Variants in SBNO2 observed in about 807,000 individuals in gnomAD.
SBNO2 encodes the protein strawberry notch homolog 2.
In SBNO2, 89 loss-of-function variants were observed where a neutral mutation model predicts 146.3. The ratio of observed to expected loss-of-function variants is 0.61; its 90% CI spans 0.51 to 0.73. The LOEUF is 0.73. Among genes scored for constraint, SBNO2 ranks in the 30% least tolerant of loss-of-function variants. The pLI is 0.00. For missense variants in SBNO2, 2,092 were observed against 2,003.7 expected, an observed-to-expected ratio of 1.04 and a Z score of -0.84; for synonymous variants, 1,147 against 892.6, an observed-to-expected ratio of 1.29 and a Z score of -5.08.
At chr19:1,111,323 C>T (rs1472584332) in intron 24 of SBNO2, among the ~76,000 whole-genome samples, 183 bp downstream of exon 24, 2 of 152,188 alleles carry the variant, frequency 1.3e-5, no homozygotes, top group Admixed American at 6.5e-5. Flanking sequence ...CCCTGGAAAC[C>T]CACCCGGCAG....
chr19:1,145,761 A>G (rs1302772039), intron 4 of SBNO2, among the ~76,000 whole-genome samples: 1 of 152,016 alleles, frequency 6.6e-6, no homozygotes, highest in Non-Finnish European at 1.5e-5. Flanking sequence ...GCAGCTTGCC[A>G]CACCTTGGCC....
At chr19:1,151,358 A>G (rs549543729) in intron 2 of SBNO2, among the ~76,000 whole-genome samples, 1 of 152,212 alleles carries the variant, frequency 6.6e-6, no homozygotes, top group Admixed American at 6.5e-5. Flanking sequence ...CTCACCCAAC[A>G]TGCTCCACCT....
At chr19:1,120,858 G>A (rs532337711) in intron 11 of SBNO2, among the ~76,000 whole-genome samples, 69 of 151,790 alleles carry the variant, frequency 4.5e-4, no homozygotes, top group Admixed American at 8.6e-4. Flanking sequence ...CAGTAGAGAC[G>A]GGGTTTCACC....
chr19:1,140,480 G>T lies in SBNO2; in HGVS notation c.279+6829C>A, dbSNP rs1309424722. On this transcript the variant is annotated intron_variant, in intron 4 of 31. Coordinates refer to ENST00000361757, the MANE Select transcript of SBNO2 (RefSeq NM_014963.3). This position sits in a 1 kb window ranked among gnomAD's most constrained non-coding sequence, Gnocchi z 4.4. ...CGGAAGGCTGAGCAGAAGTGAGGGG[G>T]GCCCTTCCTCCGGGCCAGGGTGGCT... Among the ~76,000 whole-genome samples, 1 of 152,240 alleles carries T rather than the reference G, an allele frequency of 6.6e-6. No homozygotes were observed. Among genetic ancestry groups the T allele is most frequent in the East Asian group, 1.9e-4 (1 of 5,178 alleles).
At chr19:1,142,477 C>T (rs892788287) in intron 4 of SBNO2, among the ~76,000 whole-genome samples, 5 of 152,214 alleles carry the variant, frequency 3.3e-5, no homozygotes, top group Admixed American at 6.5e-5. Context: ...GTCAGGAGTT[C>T]GAGACCAGCC....
At position 1,108,218 on chromosome 19, in the gene SBNO2, T is replaced by A. The variant is rs767911057; in HGVS notation, c.*2A>T. 1 of 1,526,734 alleles carries A rather than the reference T, an allele frequency of 6.5e-7. No individual in the cohort carries two copies. 94.6% of individuals were successfully genotyped at this position (1,526,734 alleles called of 1,614,324 possible). A position where few individuals can be genotyped will look rare whatever the true frequency, so the allele number is the denominator to read the frequency against. On this transcript the variant is annotated 3_prime_UTR_variant, in exon 32 of 32. Coordinates refer to ENST00000361757, the MANE Select transcript of SBNO2 (RefSeq NM_014963.3). ...TTGGGGCATGTTTCGCCTAAAGGCG[T>A]GTCAGAGAGGAGCCTGGGCGCCGGG...
intron 4 of SBNO2, among the ~76,000 whole-genome samples, chr19:1,137,005 G>A (rs922199935): frequency 9.3e-5 from 14 of 151,280 alleles, no homozygotes; most frequent in Admixed American, 7.2e-4. Flanking sequence ...GATGGGCTGT[G>A]GGTGCCGAGA....
At chr19:1,171,147 C>A (rs1459975276) in intron 1 of SBNO2, among the ~76,000 whole-genome samples, 1 of 151,692 alleles carries the variant, frequency 6.6e-6, no homozygotes, top group African/African-American at 2.4e-5. Context: ...AATGTGCACC[C>A]ATAAAACACA....
rs111354056 is a variant in SBNO2 at position 1,113,546 on chromosome 19, G to T, written c.2236C>A (p.Arg746=). 2 of 1,593,554 alleles carry T rather than the reference G, an allele frequency of 1.3e-6. No individual in the cohort carries two copies. Among genetic ancestry groups the T allele is most frequent in the Non-Finnish European group, 8.5e-7 (1 of 1,172,022 alleles). The change falls in exon 19 of 32, where the codon CGG becomes AGG. Residue 746 remains arginine, a synonymous_variant. Transcript: ENST00000361757. ...CACGTCCCACCCACCTCCGCCACCC[G>T]CTGGGGGCCGCCCAGCTGGTCGATG... ...ELIDQLGGPQ[R]VAEMTGRKGR...
intron 4 of SBNO2, among the ~76,000 whole-genome samples, chr19:1,143,928 G>A (rs2080162702): frequency 6.6e-6 from 1 of 152,232 alleles, no homozygotes; most frequent in Admixed American, 6.5e-5. Context: ...GCAGGTCCTG[G>A]GGATCAGGAC....
At chr19:1,117,273 G>C in intron 15 of SBNO2, 50 bp downstream of exon 15, 1 of 1,502,716 alleles carries the variant, frequency 6.7e-7, no homozygotes, top group Non-Finnish European at 8.9e-7. Flanking sequence ...AGCAGCCTCC[G>C]CCCCTGCAGG....
In SBNO2 at chr19:1,117,046, C is replaced by T. The variant is rs2079841017; in HGVS notation, c.1705-120G>A. 5.1e-6 allele frequency: 5 copies of T among 981,860 alleles called. No homozygotes were observed. In the South Asian group the frequency reaches 7.8e-5, roughly 15 times the overall value. 60.8% of individuals were successfully genotyped at this position (981,860 alleles called of 1,614,324 possible). A position where few individuals can be genotyped will look rare whatever the true frequency, so the allele number is the denominator to read the frequency against. On this transcript the variant is annotated intron_variant, in intron 15 of 31. Transcript: ENST00000361757. ...CACTCTGCTGCTGTGCTCGCCTCCC[C>T]AGGAGGGGCCACGGCCCCCCTACAA...
chr19:1,112,042 C>A lies in SBNO2; in HGVS notation c.2654G>T (p.Arg885Leu). Residue 885 changes from arginine (R) to leucine (L), a missense_variant, in exon 23 of 32, where the codon CGC becomes CTC. Transcript: ENST00000361757. The surrounding 1 kb of genome is among the most constrained non-coding windows in gnomAD (Gnocchi z 5.9). ...GCTGAGGTCACGGGACTCCGTGGCG[C>A]GGCGGTCTCCGTGGGTCAGGGCCCC... ...SLGALTHGDR[R>L]ATESRDLSKY... 6.2e-7 allele frequency: 1 copy of A among 1,612,474 alleles called. No homozygotes were observed. The highest frequency in any genetic ancestry group is 8.5e-7 in the Non-Finnish European group (1 of 1,179,742).
intron 1 of SBNO2, among the ~76,000 whole-genome samples, chr19:1,170,605 C>T (rs999515136): frequency 6.6e-6 from 1 of 152,116 alleles, no homozygotes; most frequent in South Asian, 2.1e-4. Context: ...CAGGCCTGCC[C>T]GCAACAAATC....
chr19:1,142,156 T>TCCTC (rs2080145396), intron 4 of SBNO2, among the ~76,000 whole-genome samples: 1 of 3,526 alleles, frequency 2.8e-4, no homozygotes, highest in Non-Finnish European at 9.1e-4. Context: ...CCACGATCAA[T>TCCTC]CCTCACTCAA....
rs147055374 is a variant in SBNO2, at chr19:1,144,739, GAC to G, written c.279+2568_279+2569del. On this transcript the variant is annotated intron_variant, in intron 4 of 31. Transcript: ENST00000361757. The surrounding 1 kb of genome is among the most constrained non-coding windows in gnomAD (Gnocchi z 4.1). ...ACAGAGGCAGAGAGGGAGACAAAGA[GAC>G]AGGTGGAGAGGGAGACAGAGAGACA... 0.035 allele frequency among the ~76,000 whole-genome samples: 5,219 copies of G among 150,564 alleles called. 326 individuals are homozygous for G. The highest frequency in any genetic ancestry group is 0.12 in the African/African-American group (4,940 of 40,568).
At chr19:1,164,172 C>T (rs1218799279) in intron 1 of SBNO2, among the ~76,000 whole-genome samples, 4 of 148,320 alleles carry the variant, frequency 2.7e-5, no homozygotes, top group East Asian at 2.1e-4. Context: ...CCATGGCTTC[C>T]GGGGCCTTCC....
At chr19:1,143,137 G>A (rs988768229) in intron 4 of SBNO2, among the ~76,000 whole-genome samples, 2 of 152,096 alleles carry the variant, frequency 1.3e-5, no homozygotes, top group Admixed American at 6.6e-5. Flanking sequence ...GGCTTTGAAC[G>A]GTGCCTCCGT....
At chr19:1,163,566 C>T (rs936656650) in intron 1 of SBNO2, among the ~76,000 whole-genome samples, 7 of 152,322 alleles carry the variant, frequency 4.6e-5, no homozygotes, top group South Asian at 2.1e-4. Context: ...TGGGGTGAGG[C>T]GGCACGAGGC....
Sources: gnomAD v4.1 joint callset for allele counts (sites outside exome capture counted in the v4.1 genomes callset) on GRCh38, gnomAD v4.1.1 for gene constraint, Gnocchi (gnomAD v3.1) non-coding constraint, MANE v1.5 for transcripts, NCBI Gene and HGNC (gene_info 2026-07-23, HGNC 2026-07-21) for gene names.